The following EVC2 variants were observed in gnomAD, a reference collection of about 807,000 sequenced individuals.
The protein encoded by EVC2 is limbin.
EVC2 carries 148 observed loss-of-function variants against 149.3 expected under a neutral mutation model. The observed-to-expected ratio is 0.99, with a 90% CI of 0.87 to 1.14. The LOEUF (loss-of-function observed/expected upper bound fraction) is 1.14, where lower values mean the gene tolerates loss of function less well. Among genes scored for constraint, EVC2 ranks in the 50% most tolerant of loss-of-function variants. The probability of loss-of-function intolerance (pLI) is 0.00; values close to 1 mark genes in which losing one functional copy is unlikely to be tolerated. For synonymous variants in EVC2, 776 were observed against 649.9 expected (o/e 1.19, Z -2.95); for missense variants, 1,854 against 1,627.3 (o/e 1.14, Z -2.40).
chr4:5,698,179 TG>T (rs1049612290), intron 1 of EVC2, among the ~76,000 whole-genome samples: 3 of 152,178 alleles, frequency 2.0e-5, no homozygotes, highest in African/African-American at 7.2e-5. Flanking sequence ...AATGCATTTC[TG>T]GGAGCTGTCA....
intron 7 of EVC2, among the ~76,000 whole-genome samples, chr4:5,667,219 A>G (rs1379717389): frequency 6.6e-6 from 1 of 152,094 alleles, no homozygotes; most frequent in Non-Finnish European, 1.5e-5. Context: ...ATACATATGC[A>G]TGTGTAAATT....
chr4:5,592,589 T>G (rs1036211886), intron 16 of EVC2, among the ~76,000 whole-genome samples: 4 of 152,146 alleles, frequency 2.6e-5, no homozygotes, highest in African/African-American at 9.7e-5. Flanking sequence ...TCCCAACAGA[T>G]AGTAAAGACT....
At chr4:5,646,198 T>A (rs1211643980) in intron 9 of EVC2, among the ~76,000 whole-genome samples, 4 of 152,218 alleles carry the variant, frequency 2.6e-5, no homozygotes, top group Admixed American at 2.0e-4. Flanking sequence ...CCCAAGGTGC[T>A]GGGATTACAG....
At position 5,613,966 on chromosome 4, in the gene EVC2, A is replaced by G. The variant is rs1348301794; in HGVS notation, c.2829+1456T>C. On this transcript the variant is annotated intron_variant, in intron 16 of 21. Coordinates refer to ENST00000344408, the MANE Select transcript of EVC2 (RefSeq NM_147127.5). This position sits in a 1 kb window ranked among gnomAD's most constrained non-coding sequence, Gnocchi z 4.6. ...TTCTGAGAAATACACCGGCACTAAA[A>G]TAAAAACAAGCAAAAAAGCTAGAAA... Among the ~76,000 whole-genome samples, 1 of 152,168 alleles carries G rather than the reference A, an allele frequency of 6.6e-6. No individual in the cohort carries two copies. The highest frequency in any genetic ancestry group is 2.4e-5 in the African/African-American group (1 of 41,444).
intron 1 of EVC2, chr4:5,708,007 C>G (rs1406446686): frequency 8.9e-6 from 3 of 338,538 alleles, no homozygotes; most frequent in African/African-American, 6.4e-5. Context: ...AGTGAACTGC[C>G]CTAGGTCGAA....
chr4:5,557,863 A>T (rs1281574522), downstream of EVC2, among the ~76,000 whole-genome samples: 1 of 152,156 alleles, frequency 6.6e-6, no homozygotes, highest in Non-Finnish European at 1.5e-5. Flanking sequence ...TATGTACAGG[A>T]TCTGTATGCA....
Position 5,679,114 on chromosome 4 carries a change from C to A in EVC2, c.870+2146G>T, listed in dbSNP as rs1720175811. Among the ~76,000 whole-genome samples the A allele has an allele frequency of 6.6e-6, 1 of 151,902 alleles. No homozygotes were observed. Among genetic ancestry groups the A allele is most frequent in the Admixed American group, 6.6e-5 (1 of 15,256 alleles). ...TATAGGAAATGTATCATAACTCGAG[C>A]TTGCAGGTCTGGAAGTTGCTCTGGG... On this transcript the variant is annotated intron_variant, in intron 7 of 21. Coordinates refer to ENST00000344408, the MANE Select transcript of EVC2 (RefSeq NM_147127.5). This position sits in a 1 kb window ranked among gnomAD's most constrained non-coding sequence, Gnocchi z 5.1.
rs116882252 is a variant in EVC2 at position 5,623,341 on chromosome 4, T to A, written c.2047-350A>T. Among the ~76,000 whole-genome samples the A allele has an allele frequency of 0.011, 1,661 of 151,376 alleles. 111 individuals carry two copies. The East Asian group carries it at 0.17, about 16-fold the overall frequency. ...AACTAATTTATTTTATTTATTTATT[T>A]TTTTTATTTTTTTTTTGAGACAGGG... On this transcript the variant is annotated intron_variant, in intron 13 of 21. Coordinates refer to ENST00000344408, the MANE Select transcript of EVC2 (RefSeq NM_147127.5).
chr4:5,694,035 A>G (rs1012469439), intron 3 of EVC2, among the ~76,000 whole-genome samples: 1 of 152,236 alleles, frequency 6.6e-6, no homozygotes, highest in African/African-American at 2.4e-5. Context: ...GTCATCTTTA[A>G]TAGCTGGCAG....
Position 5,562,683 on chromosome 4 carries a change from A to T in EVC2, c.*165T>A. On this transcript the variant is annotated 3_prime_UTR_variant, in exon 22 of 22. Transcript: ENST00000344408. The surrounding 1 kb of genome is among the most constrained non-coding windows in gnomAD (Gnocchi z 4.3). Reference sequence around the variant, plus strand: ...TGGGCCATCTGGAAATTCATGAGACAAGATTAAACCGAGTCCCTGCAAGTT... The same window carrying T: ...TGGGCCATCTGGAAATTCATGAGACTAGATTAAACCGAGTCCCTGCAAGTT... 2.0e-6 allele frequency: 3 copies of T among 1,483,824 alleles called. No individual in the cohort carries two copies. The highest frequency in any genetic ancestry group is 2.7e-6 in the Non-Finnish European group (3 of 1,125,394). The allele number at this position is 1,483,824 out of a possible 1,614,324, so 91.9% of individuals were successfully genotyped here.
At chr4:5,628,426 A>G in intron 12 of EVC2, 133 bp downstream of exon 12, 7 of 1,189,482 alleles carry the variant, frequency 5.9e-6, no homozygotes, top group Non-Finnish European at 8.4e-6. Flanking sequence ...TCGATCTTGA[A>G]CTTCCCAGCC....
At chr4:5,592,624 C>A (rs540249542) in intron 16 of EVC2, among the ~76,000 whole-genome samples, 1 of 152,134 alleles carries the variant, frequency 6.6e-6, no homozygotes, top group Non-Finnish European at 1.5e-5. Context: ...AGCAGCTTCC[C>A]GATAAGAACT....
chr4:5,650,671 A>AGAGAGAGAGAGAGAGAGAGAGAGC lies in EVC2; in HGVS notation c.1146-9834_1146-9833insGCTCTCTCTCTCTCTCTCTCTCTC, dbSNP rs35334619. On this transcript the variant is annotated intron_variant, in intron 9 of 21. Transcript: ENST00000344408. ...GAGAGAGAGAGAGAGAGAGAGAGAG[A>AGAGAGAGAGAGAGAGAGAGAGAGC]GCCATTTAATCATCACAAAAAAATC... 3.8e-4 allele frequency among the ~76,000 whole-genome samples: 39 copies of AGAGAGAGAGAGAGAGAGAGAGAGC among 102,406 alleles called. 1 individual carries two copies. The highest frequency in any genetic ancestry group is 6.2e-4 in the Non-Finnish European group (32 of 51,686). The allele number at this position is 102,406 out of a possible 152,430, so 67.2% of individuals were successfully genotyped here.
chr4:5,650,872 C>T lies in EVC2; in HGVS notation c.1146-10034G>A, dbSNP rs578120827. On this transcript the variant is annotated intron_variant, in intron 9 of 21. Transcript: ENST00000344408. ...TCTGTCCTACTGTCTCAAAACGGCA[C>T]ACACGAAGCACTTAGCCCAGTCTCT... is the stretch of plus-strand genomic sequence containing the variant. Among the ~76,000 whole-genome samples the T allele has an allele frequency of 2.0e-5, 3 of 152,244 alleles. No homozygotes were observed. In the South Asian group the frequency reaches 6.2e-4, roughly 32 times the overall value.
downstream of EVC2, among the ~76,000 whole-genome samples, chr4:5,540,082 A>T (rs1721488291): frequency 6.6e-6 from 1 of 152,246 alleles, no homozygotes; most frequent in African/African-American, 2.4e-5. Flanking sequence ...ACCAAAGAAG[A>T]CAAATGGTTG....
chr4:5,587,078 C>G (rs547743087), intron 16 of EVC2, among the ~76,000 whole-genome samples: 1 of 152,182 alleles, frequency 6.6e-6, no homozygotes, highest in African/African-American at 2.4e-5. Context: ...TCCTTTGTTA[C>G]TATTTTCATT....
chr4:5,550,033 G>A (rs1721706736), intron 21 of EVC2, among the ~76,000 whole-genome samples: 1 of 152,190 alleles, frequency 6.6e-6, no homozygotes. Flanking sequence ...AGCCTCCCCA[G>A]CCATGTGAAA....
intron 16 of EVC2, among the ~76,000 whole-genome samples, chr4:5,590,298 G>A (rs376246261): frequency 6.6e-6 from 1 of 152,150 alleles, no homozygotes; most frequent in Non-Finnish European, 1.5e-5. Flanking sequence ...GATGGGCAAG[G>A]CATGGCAAGA....
chr4:5,653,640 T>A (rs73794701), intron 9 of EVC2, among the ~76,000 whole-genome samples: 4,326 of 152,274 alleles, frequency 0.028, 201 homozygotes, highest in African/African-American at 0.099. Flanking sequence ...GAACTTTAGC[T>A]AATAATAATG....
Sources: allele counts gnomAD v4.1 joint callset (sites outside exome capture counted in the v4.1 genomes callset), GRCh38; gene constraint gnomAD v4.1.1; non-coding constraint Gnocchi (gnomAD v3.1); transcripts MANE v1.5; gene names NCBI Gene and HGNC (gene_info 2026-07-23, HGNC 2026-07-21).